The following TECTA variants were observed in gnomAD, a reference collection of about 807,000 sequenced individuals.
The protein encoded by TECTA is alpha-tectorin.
TECTA carries 128 observed loss-of-function variants against 216.8 expected under a neutral mutation model. The observed-to-expected ratio is 0.59, with a 90% CI of 0.51 to 0.68. The LOEUF (loss-of-function observed/expected upper bound fraction) is 0.68, where lower values mean the gene tolerates loss of function less well. TECTA is among the 30% of genes least tolerant of loss of function. The pLI is 0.00. For missense variants in TECTA, 2,551 were observed against 2,786.2 expected, an observed-to-expected ratio of 0.92 and a Z score of 1.90; for synonymous variants, 1,089 against 1,117.1, an observed-to-expected ratio of 0.97 and a Z score of 0.50.
intron 4 of TECTA, among the ~76,000 whole-genome samples, chr11:121,111,278 A>G (rs1946439267): frequency 6.6e-6 from 1 of 152,218 alleles, no homozygotes; most frequent in South Asian, 2.1e-4. Context: ...GAGGCCAAGT[A>G]TCTCGTTCAA....
intron 11 of TECTA, among the ~76,000 whole-genome samples, chr11:121,142,353 C>T (rs1216949901): frequency 6.6e-6 from 1 of 152,168 alleles, no homozygotes; most frequent in East Asian, 1.9e-4. Context: ...CCTCTGAGCT[C>T]CCTCTTTTCC....
chr11:121,104,861 A>G (rs146107221), intron 2 of TECTA, among the ~76,000 whole-genome samples: 2 of 152,238 alleles, frequency 1.3e-5, no homozygotes, highest in East Asian at 3.9e-4. Flanking sequence ...AAAGAAAGGA[A>G]AAAAGGGAGA....
Position 121,113,846 on chromosome 11 carries a change from T to C in TECTA, c.790+128T>C. 1 of 1,129,706 alleles carries C rather than the reference T, an allele frequency of 8.9e-7. No individual in the cohort carries two copies. The highest frequency in any genetic ancestry group is 2.5e-5 in the East Asian group (1 of 39,412). 70.0% of individuals were successfully genotyped at this position (1,129,706 alleles called of 1,614,324 possible). On this transcript the variant is annotated intron_variant, in intron 6 of 23. Transcript: ENST00000392793. This position sits in a 1 kb window ranked among gnomAD's most constrained non-coding sequence, Gnocchi z 4.2. ...CTTTTGACATCTCTCCGCTGGGTAA[T>C]GGAGATCAAGGTAATTTTAGCATGT...
Position 121,127,837 on chromosome 11 carries a change from G to T in TECTA, c.1860G>T (p.Ser620=). Residue 620 remains serine (S), a synonymous_variant, in exon 9 of 24, where the codon TCG becomes TCT. Coordinates refer to ENST00000392793, the MANE Select transcript of TECTA (RefSeq NM_005422.4). This position sits in a 1 kb window ranked among gnomAD's most constrained non-coding sequence, Gnocchi z 5.0. ...CPDTCSDLTA[S]RNCATPCTEG... ...ACACATGCTCCGACCTGACGGCCTC[G>T]CGGAACTGCGCCACGCCGTGCACAG... The T allele has an allele frequency of 1.2e-6, 2 of 1,614,080 alleles. No individual in the cohort carries two copies. The highest frequency in any genetic ancestry group is 1.7e-6 in the Non-Finnish European group (2 of 1,180,038).
chr11:121,143,466 G>A (rs183864135), intron 11 of TECTA, among the ~76,000 whole-genome samples: 3 of 152,314 alleles, frequency 2.0e-5, no homozygotes, highest in Admixed American at 2.0e-4. Context: ...TCTGCAGGCA[G>A]CCCTGATCTT....
At chr11:121,165,864 G>A (rs1392736196) in intron 17 of TECTA, among the ~76,000 whole-genome samples, 2 of 152,100 alleles carry the variant, frequency 1.3e-5, no homozygotes, top group Non-Finnish European at 1.5e-5. Flanking sequence ...GTCCACTGCC[G>A]AGCCTTCCTG....
intron 12 of TECTA, among the ~76,000 whole-genome samples, chr11:121,147,473 A>C (rs937294185): frequency 6.6e-6 from 1 of 152,170 alleles, no homozygotes; most frequent in African/African-American, 2.4e-5. Flanking sequence ...GGGTGAGGCC[A>C]GGCAGGGTGG....
chr11:121,158,031 A>T lies in TECTA; in HGVS notation c.4496A>T (p.Asp1499Val). 6.2e-7 allele frequency: 1 copy of T among 1,613,168 alleles called. No individual in the cohort carries two copies. The change falls in exon 14 of 24, where the codon GAC becomes GTC. Residue 1499 changes from aspartate to valine, a missense_variant. Around this residue, in one of 3 missense-constraint regions of TECTA, gnomAD observed 2,375 missense variants for 2,563.9 expected, o/e 0.93. Transcript: ENST00000392793. Reference protein sequence around the residue: ...AAGGGVFRTFDGAFLRFPANC... With the variant: ...AAGGGVFRTFVGAFLRFPANC... ...GGCGGCGGCGTCTTCCGCACCTTCGACGGCGCCTTCCTGCGCTTCCCAGCC... is the reference window on the plus strand; with the variant it reads ...GGCGGCGGCGTCTTCCGCACCTTCGTCGGCGCCTTCCTGCGCTTCCCAGCC...
At position 121,147,060 on chromosome 11, in the gene TECTA, T is replaced by A. The variant is rs147853394; in HGVS notation, c.4105+944T>A. On this transcript the variant is annotated intron_variant, in intron 12 of 23. Coordinates refer to ENST00000392793, the MANE Select transcript of TECTA (RefSeq NM_005422.4). ...GGGTAATTTACCTGCCTTTAGCACA[T>A]AAGAATAGGAAAAACTTGTGGGGGT... Among the ~76,000 whole-genome samples, 576 of 152,092 alleles carry A rather than the reference T, an allele frequency of 3.8e-3. 2 individuals are homozygous for A. Among genetic ancestry groups the A allele is most frequent in the African/African-American group, 0.013 (551 of 41,518 alleles).
intron 12 of TECTA, among the ~76,000 whole-genome samples, chr11:121,149,420 A>T (rs556348350): frequency 4.1e-4 from 62 of 152,358 alleles, no homozygotes; most frequent in Admixed American, 4.0e-3. Context: ...ATTGTTTTAA[A>T]AAATCCTTCT....
rs765995024 is a variant in TECTA, at chr11:121,187,908, G to A, written c.6076G>A (p.Val2026Ile). 5.0e-5 allele frequency: 81 copies of A among 1,614,104 alleles called. 1 individual carries two copies. Among genetic ancestry groups the A allele is most frequent in the South Asian group, 1.6e-4 (15 of 91,088 alleles). Residue 2026 changes from valine to isoleucine, a missense_variant, in exon 21 of 24, where the codon GTC (valine) becomes ATC (isoleucine). Val to Ile is a conservative substitution (Grantham distance 29). Coordinates refer to ENST00000392793, the MANE Select transcript of TECTA (RefSeq NM_005422.4). Reference sequence around the variant, plus strand: ...CCTGACCTGTCGCTTTCACGTCACCGTCTTTAAATTCATAGGGGATTACGA... The same window carrying A: ...CCTGACCTGTCGCTTTCACGTCACCATCTTTAAATTCATAGGGGATTACGA... ...VSLTCRFHVT[V>I]FKFIGDYDEV... is the part of the protein sequence containing the mutation.
chr11:121,188,018 G>T, intron 21 of TECTA, 24 bp downstream of exon 21: 1 of 1,613,838 alleles, frequency 6.2e-7, no homozygotes, highest in Non-Finnish European at 8.5e-7. Flanking sequence ...TGAAAACAAA[G>T]TGCTTAGCCT....
Position 121,137,842 on chromosome 11 carries a change from C to T in TECTA, c.3363C>T (p.Ser1121=), listed in dbSNP as rs1473854785. 4 of 1,609,704 alleles carry T rather than the reference C, an allele frequency of 2.5e-6. No homozygotes were observed. Among genetic ancestry groups the T allele is most frequent in the Non-Finnish European group, 3.4e-6 (4 of 1,176,416 alleles). ...GCTTCCCCTTTGACTTCCAGACCAG[C>T]TGCCCACTCATCCTGTGCACCACAG... ...FDGFPFDFQT[S]CPLILCTTGS... is the part of the protein sequence containing the mutation. Residue 1121 remains serine, a synonymous_variant, in exon 11 of 24, where the codon AGC becomes AGT. Transcript: ENST00000392793.
intron 8 of TECTA, among the ~76,000 whole-genome samples, chr11:121,126,912 G>A (rs544250454): frequency 6.6e-6 from 1 of 152,296 alleles, no homozygotes; most frequent in East Asian, 1.9e-4. Context: ...TGACTAAAAT[G>A]TTACAATGGC....
chr11:121,180,813 C>CTTTT (rs34807486), intron 20 of TECTA, among the ~76,000 whole-genome samples: 13 of 119,984 alleles, frequency 1.1e-4, no homozygotes, highest in South Asian at 3.0e-4. Context: ...TTTCTTATTC[C>CTTTT]TTTTTTTTTT....
intron 7 of TECTA, among the ~76,000 whole-genome samples, chr11:121,121,898 A>G (rs1448478233): frequency 6.6e-6 from 1 of 152,192 alleles, no homozygotes; most frequent in African/African-American, 2.4e-5. Flanking sequence ...AGAACAATGG[A>G]TAAGTGTTCA....
In TECTA at chr11:121,166,633, G is replaced by A. The variant is rs1464817687; in HGVS notation, c.5439G>A (p.Val1813=). Reference sequence around the variant, plus strand: ...CCTGCAAAGCAGCCCAAATGGAAGTGTCCATATCTAAGTGCAAGCTCTTCC... The same window carrying A: ...CCTGCAAAGCAGCCCAAATGGAAGTATCCATATCTAAGTGCAAGCTCTTCC... The part of the protein sequence containing the change: ...EVTCKAAQME[V]SISKCKLFQL... The change falls in exon 18 of 24, where the codon GTG becomes GTA. Residue 1813 remains valine (V), a synonymous_variant. Transcript: ENST00000392793. 2.5e-6 allele frequency: 4 copies of A among 1,614,220 alleles called. No individual in the cohort carries two copies. Among genetic ancestry groups the A allele is most frequent in the African/African-American group, 1.3e-5 (1 of 75,050 alleles).
At chr11:121,164,402 T>C (rs1334343664) in intron 16 of TECTA, among the ~76,000 whole-genome samples, 1 of 152,216 alleles carries the variant, frequency 6.6e-6, no homozygotes, top group Non-Finnish European at 1.5e-5. Flanking sequence ...CATCATATAC[T>C]GTGATGAACA....
chr11:121,135,387 A>G (rs945852842), intron 10 of TECTA, among the ~76,000 whole-genome samples: 11 of 152,242 alleles, frequency 7.2e-5, no homozygotes, highest in Admixed American at 6.5e-4. Context: ...AGACAACACA[A>G]TAAGTCATAA....
Sources: gnomAD v4.1 joint callset for allele counts (sites outside exome capture counted in the v4.1 genomes callset) on GRCh38, gnomAD v4.1.1 for gene constraint, gnomAD v4.1.1 regional missense constraint, Gnocchi (gnomAD v3.1) non-coding constraint, MANE v1.5 for transcripts, NCBI Gene and HGNC (gene_info 2026-07-23, HGNC 2026-07-21) for gene names.